ZNF385D: variants seen among roughly 807,000 people sequenced by gnomAD.
ZNF385D encodes zinc finger protein 385D.
ZNF385D carries 15 observed loss-of-function variants against 35.8 expected under a neutral mutation model. The ratio of observed to expected loss-of-function variants is 0.42; its 90% CI spans 0.28 to 0.64. The LOEUF is 0.64. Among genes scored for constraint, ZNF385D ranks in the 30% least tolerant of loss-of-function variants. The pLI, the probability that ZNF385D is intolerant of heterozygous loss-of-function variation, is 0.23. For missense variants in ZNF385D, 474 were observed against 494.6 expected, an observed-to-expected ratio of 0.96 and a Z score of 0.39; for synonymous variants, 212 against 186.8, an observed-to-expected ratio of 1.13 and a Z score of -1.10.
At chr3:22,068,256 TTC>T (rs1559344482) in intron 3 of ZNF385D, among the ~76,000 whole-genome samples, 2 of 152,308 alleles carry the variant, frequency 1.3e-5, no homozygotes, top group Admixed American at 1.3e-4. Context: ...GCTAATTCTA[TTC>T]TTTTTTTCAC....
At chr3:21,564,201 A>T (rs1312512692) in intron 3 of ZNF385D, among the ~76,000 whole-genome samples, 2 of 152,190 alleles carry the variant, frequency 1.3e-5, no homozygotes, top group Admixed American at 6.5e-5. Flanking sequence ...TGATCTTAAA[A>T]TATGATTTGG....
intron 6 of ZNF385D, 89 bp downstream of exon 6, chr3:21,425,403 A>G: frequency 1.5e-6 from 2 of 1,365,414 alleles, no homozygotes; most frequent in Non-Finnish European, 1.9e-6. Flanking sequence ...TGGGACAGAA[A>G]GACAGAAATA....
intron 2 of ZNF385D, among the ~76,000 whole-genome samples, chr3:21,584,717 A>G (rs2063761862): frequency 6.6e-6 from 1 of 152,134 alleles, no homozygotes; most frequent in South Asian, 2.1e-4. Context: ...GATGTAAAAC[A>G]AATTTTCCTC....
chr3:22,195,526 G>A (rs768071473), intron 2 of ZNF385D, among the ~76,000 whole-genome samples: 23 of 151,790 alleles, frequency 1.5e-4, no homozygotes, highest in Middle Eastern at 3.4e-3. Flanking sequence ...AGATTTTCTC[G>A]TATATGTTCT....
At chr3:22,275,962 G>T (rs539743134) in intron 2 of ZNF385D, among the ~76,000 whole-genome samples, 4 of 152,162 alleles carry the variant, frequency 2.6e-5, no homozygotes, top group Non-Finnish European at 5.9e-5. Flanking sequence ...GCGTGTGCCT[G>T]TAATCCCAGC....
Position 22,075,598 on chromosome 3 carries a change from T to C in ZNF385D, c.325+93219A>G, listed in dbSNP as rs1303564045. Among the ~76,000 whole-genome samples, 6 of 151,926 alleles carry C rather than the reference T, an allele frequency of 3.9e-5. No homozygotes were observed. The East Asian group carries it at 7.7e-4, about 20-fold the overall frequency. ...CTCTTTTCTACCATCTTTTGTAAGA[T>C]TGTCCTTCTCTGTTAAACTACTAAA... On this transcript the variant is annotated intron_variant, in intron 3 of 5. Transcript: ENST00000494108.
intron 3 of ZNF385D, among the ~76,000 whole-genome samples, chr3:21,975,090 T>C (rs545753760): frequency 6.6e-6 from 1 of 152,184 alleles, no homozygotes; most frequent in South Asian, 2.1e-4. Flanking sequence ...AGAGAGAAAA[T>C]CAGTATATTG....
chr3:21,603,518 GTTTATA>G (rs1200929674), intron 2 of ZNF385D, among the ~76,000 whole-genome samples: 1 of 152,138 alleles, frequency 6.6e-6, no homozygotes, highest in Non-Finnish European at 1.5e-5. Flanking sequence ...CATCTGTACA[GTTTATA>G]TTTTATTTGT....
At chr3:22,107,049 A>T in intron 3 of ZNF385D, among the ~76,000 whole-genome samples, 1 of 57,972 alleles carries the variant, frequency 1.7e-5, no homozygotes. Context: ...TTTTAGACAG[A>T]GTTTTGCTCT....
chr3:22,309,974 T>G (rs888068807), intron 2 of ZNF385D, among the ~76,000 whole-genome samples: 1 of 152,028 alleles, frequency 6.6e-6, no homozygotes, highest in Non-Finnish European at 1.5e-5. Flanking sequence ...GGAGGCTTGA[T>G]GAACTGCTCA....
At chr3:21,450,269 A>T (rs1031843374) in intron 4 of ZNF385D, among the ~76,000 whole-genome samples, 2 of 152,082 alleles carry the variant, frequency 1.3e-5, no homozygotes, top group East Asian at 3.9e-4. Flanking sequence ...CACATTAGGA[A>T]ACTGTGCAAA....
intron 3 of ZNF385D, among the ~76,000 whole-genome samples, chr3:21,531,911 G>A (rs1559378304): frequency 6.6e-6 from 1 of 152,198 alleles, no homozygotes; most frequent in Non-Finnish European, 1.5e-5. Context: ...TGATGTGTCA[G>A]TGTAGGTAAA....
intron 3 of ZNF385D, among the ~76,000 whole-genome samples, chr3:21,808,614 T>C (rs7646597): frequency 8.3e-4 from 126 of 152,346 alleles, no homozygotes; most frequent in African/African-American, 2.9e-3. Flanking sequence ...CTGGGTGGAC[T>C]GTTGTCAATT....
intron 3 of ZNF385D, among the ~76,000 whole-genome samples, chr3:22,037,081 T>G (rs1395137734): frequency 6.6e-6 from 1 of 152,128 alleles, no homozygotes; most frequent in Non-Finnish European, 1.5e-5. Flanking sequence ...ATGGTGTATA[T>G]GTGCCACATT....
chr3:22,059,684 A>G (rs556509022), intron 3 of ZNF385D, among the ~76,000 whole-genome samples: 7 of 152,320 alleles, frequency 4.6e-5, no homozygotes, highest in Non-Finnish European at 1.0e-4. Flanking sequence ...TGAAGACCCC[A>G]TATAAGTTTC....
intron 3 of ZNF385D, among the ~76,000 whole-genome samples, chr3:21,986,553 T>C (rs1383127468): frequency 6.8e-6 from 1 of 147,168 alleles, no homozygotes; most frequent in Non-Finnish European, 1.5e-5. Flanking sequence ...TAATTTCTGT[T>C]CTTTTACATT....
chr3:21,822,577 G>A (rs1575720313), intron 3 of ZNF385D, among the ~76,000 whole-genome samples: 1 of 150,852 alleles, frequency 6.6e-6, no homozygotes, highest in East Asian at 2.0e-4. Context: ...CTAGTAGTAG[G>A]TATATACTAC....
chr3:22,308,170 C>T (rs952243792), intron 2 of ZNF385D, among the ~76,000 whole-genome samples: 1 of 151,888 alleles, frequency 6.6e-6, no homozygotes, highest in Non-Finnish European at 1.5e-5. Flanking sequence ...AGCACAAAGA[C>T]AATCTACTAA....
intron 2 of ZNF385D, among the ~76,000 whole-genome samples, chr3:21,597,266 C>T (rs1022209213): frequency 1.3e-5 from 2 of 151,416 alleles, no homozygotes; most frequent in Non-Finnish European, 2.9e-5. Context: ...TCATGTGACT[C>T]GAAGATCTAT....
Sources: allele counts gnomAD v4.1 joint callset (sites outside exome capture counted in the v4.1 genomes callset), GRCh38; gene constraint gnomAD v4.1.1; transcripts MANE v1.5; gene names NCBI Gene and HGNC (gene_info 2026-07-23, HGNC 2026-07-21).